Variants in NHS observed in about 807,000 individuals in gnomAD.
The protein encoded by NHS is NHS actin remodeling regulator.
A neutral mutation model predicts 72.5 loss-of-function variants in NHS; 5 were observed. The ratio of observed to expected loss-of-function variants is 0.07; its 90% confidence interval spans 0.04 to 0.14. The LOEUF (loss-of-function observed/expected upper bound fraction) is 0.14, where lower values mean the gene tolerates loss of function less well. Ranked by LOEUF, NHS falls within the 10% of genes least tolerant of loss-of-function variation. NHS has a pLI of 1.00. For missense variants in NHS, 1,072 were observed against 1,355.7 expected (o/e 0.79, Z 3.29); for synonymous variants, 464 against 547.7 (o/e 0.85, Z 2.13).
chrX:17,474,740 C>G (rs780417969), intron 1 of NHS, among the ~76,000 whole-genome samples: 1 of 111,740 alleles, frequency 8.9e-6, no homozygotes, highest in South Asian at 3.8e-4. Context: ...AAGGCAATTC[C>G]CAGAGCAGGA....
At chrX:17,680,800 T>C (rs2066123485) in intron 1 of NHS, among the ~76,000 whole-genome samples, 1 of 111,223 alleles carries the variant, frequency 9.0e-6, no homozygotes, top group South Asian at 3.9e-4. Flanking sequence ...TAGAATCCAA[T>C]GACTCTGCTA....
chrX:17,455,915 G>A (rs140425493), intron 1 of NHS, among the ~76,000 whole-genome samples: 140 of 111,551 alleles, frequency 1.3e-3, no homozygotes, highest in Non-Finnish European at 2.1e-3. Flanking sequence ...CTGCAAGGTG[G>A]TGTGTAATTT....
At chrX:17,699,694 T>C (rs767449464) in intron 3 of NHS, among the ~76,000 whole-genome samples, 14 of 111,692 alleles carry the variant, frequency 1.3e-4, no homozygotes, top group African/African-American at 4.6e-4. Context: ...TCACCTCTAG[T>C]TAAAAATCAT....
At chrX:17,448,888 G>T (rs926565436) in intron 1 of NHS, among the ~76,000 whole-genome samples, 4 of 112,216 alleles carry the variant, frequency 3.6e-5, no homozygotes, top group African/African-American at 1.3e-4. Flanking sequence ...AGGCATTAAG[G>T]GTATTGTCTA....
At chrX:17,628,660 T>C (rs2065810213) in intron 1 of NHS, among the ~76,000 whole-genome samples, 1 of 113,166 alleles carries the variant, frequency 8.8e-6, no homozygotes, top group Non-Finnish European at 1.9e-5. Flanking sequence ...ATCTGTACTT[T>C]CTGAGGCAGG....
chrX:17,452,665 A>T (rs111656042), intron 1 of NHS, among the ~76,000 whole-genome samples: 3,058 of 111,279 alleles, frequency 0.027, 97 homozygotes, highest in African/African-American at 0.086. Context: ...AGGCTGTCTG[A>T]TCTAGATCAT....
intron 1 of NHS, among the ~76,000 whole-genome samples, chrX:17,495,408 AACTT>A (rs1297397815): frequency 8.9e-6 from 1 of 112,146 alleles, no homozygotes; most frequent in Non-Finnish European, 1.9e-5. Context: ...ATAGACCAAA[AACTT>A]AATAATATTG....
chrX:17,538,685 G>A (rs190906336), intron 1 of NHS, among the ~76,000 whole-genome samples: 69 of 112,029 alleles, frequency 6.2e-4, no homozygotes, highest in African/African-American at 1.8e-3. Flanking sequence ...GGGCTTCACC[G>A]GATAGATTTC....
Position 17,732,274 on chromosome X carries a change from C to A in NHS, c.4766C>A (p.Ser1589Tyr). Residue 1589 changes from serine (S) to tyrosine (Y), a missense_variant, in exon 9 of 9, where the codon TCC becomes TAC. Ser to Tyr is a moderately radical substitution (Grantham distance 144). Coordinates refer to ENST00000676302, the MANE Select transcript of NHS (RefSeq NM_001291867.2). ...CCACGAGTTAATGCAGAAGGCTTTT[C>A]CTCGAAGAGCTTTGCCACCTCAGCA... ...CSPRVNAEGF[S>Y]SKSFATSASA... 8.2e-7 allele frequency: 1 copy of A among 1,212,146 alleles called. No homozygotes were observed. The highest frequency in any genetic ancestry group is 1.1e-6 in the Non-Finnish European group (1 of 895,579).
chrX:17,722,569 A>T (rs1224626666), intron 5 of NHS, among the ~76,000 whole-genome samples: 3 of 111,633 alleles, frequency 2.7e-5, no homozygotes, highest in East Asian at 2.8e-4. Context: ...AATGGACCAG[A>T]TATCTGGGAC....
intron 3 of NHS, among the ~76,000 whole-genome samples, chrX:17,701,987 C>T (rs1158524777): frequency 2.7e-5 from 3 of 111,111 alleles, no homozygotes; most frequent in Non-Finnish European, 5.7e-5. Flanking sequence ...ATGAAATTGA[C>T]TGTACAGGAA....
chrX:17,561,582 A>ACG (rs1569282078), intron 1 of NHS, among the ~76,000 whole-genome samples: 2 of 94,640 alleles, frequency 2.1e-5, no homozygotes, highest in African/African-American at 7.6e-5. Flanking sequence ...GCGCACACAC[A>ACG]CACACACACA....
At chrX:17,404,754 AG>A (rs1456475053) in intron 1 of NHS, among the ~76,000 whole-genome samples, 1 of 109,408 alleles carries the variant, frequency 9.1e-6, no homozygotes, top group Non-Finnish European at 1.9e-5. Flanking sequence ...TTTTCCTGGT[AG>A]CTTTCCTGAC....
chrX:17,506,182 G>A (rs908770796), intron 1 of NHS, among the ~76,000 whole-genome samples: 3 of 110,986 alleles, frequency 2.7e-5, no homozygotes, highest in East Asian at 5.7e-4. Context: ...TCCTAGAATC[G>A]GCACCCACAG....
chrX:17,481,276 G>C (rs2064944944), intron 1 of NHS, among the ~76,000 whole-genome samples: 1 of 111,943 alleles, frequency 8.9e-6, no homozygotes, highest in African/African-American at 3.2e-5. Context: ...GAGTGATTTA[G>C]TGATCAGTGG....
At chrX:17,405,460 T>C (rs1050448695) in intron 1 of NHS, among the ~76,000 whole-genome samples, 5 of 111,538 alleles carry the variant, frequency 4.5e-5, no homozygotes, top group Non-Finnish European at 9.4e-5. Flanking sequence ...GGTGATTCAG[T>C]TTAATCATCA....
intron 1 of NHS, among the ~76,000 whole-genome samples, chrX:17,487,123 A>G (rs983342180): frequency 8.9e-6 from 1 of 112,127 alleles, no homozygotes; most frequent in Admixed American, 9.4e-5. Flanking sequence ...AGTTTGCAAA[A>G]TGCTATCACA....
At chrX:17,507,326 G>A (rs1398596635) in intron 1 of NHS, among the ~76,000 whole-genome samples, 1 of 112,066 alleles carries the variant, frequency 8.9e-6, no homozygotes, top group African/African-American at 3.2e-5. Flanking sequence ...TTTCTGTGGT[G>A]AGATATTTTC....
At chrX:17,601,986 G>A (rs1159174952) in intron 1 of NHS, among the ~76,000 whole-genome samples, 21 of 111,815 alleles carry the variant, frequency 1.9e-4, no homozygotes, top group Non-Finnish European at 2.3e-4. Context: ...TTTTCAACAC[G>A]TTCTCTTACA....
Sources: gnomAD v4.1 joint callset for allele counts (sites outside exome capture counted in the v4.1 genomes callset) on GRCh38, gnomAD v4.1.1 for gene constraint, MANE v1.5 for transcripts, NCBI Gene and HGNC (gene_info 2026-07-23, HGNC 2026-07-21) for gene names.